Variants in NDRG1 observed in about 807,000 individuals in gnomAD.
NDRG1 encodes N-myc downstream regulated 1, also known as protein NDRG1.
In NDRG1, 32 loss-of-function variants were observed where a neutral mutation model predicts 56.9. The observed-to-expected ratio is 0.56, with a 90% CI of 0.42 to 0.76. The LOEUF (loss-of-function observed/expected upper bound fraction) is 0.76, where lower values mean the gene tolerates loss of function less well. NDRG1 is among the 30% of genes least tolerant of loss of function. NDRG1 has a pLI of 0.00. For missense variants in NDRG1, 507 were observed against 545.7 expected (o/e 0.93, Z 0.71); for synonymous variants, 211 against 204.1 (o/e 1.03, Z -0.29).
rs749295044 is a variant in NDRG1, at chr8:133,259,149, G to A, written c.389+19C>T. 1 of 1,612,382 alleles carries A rather than the reference G, an allele frequency of 6.2e-7. No individual in the cohort carries two copies. Among genetic ancestry groups the A allele is most frequent in the Non-Finnish European group, 8.5e-7 (1 of 1,178,384 alleles). On this transcript the variant is annotated intron_variant, in intron 6 of 15. Coordinates refer to ENST00000323851, the MANE Select transcript of NDRG1 (RefSeq NM_006096.4). The stretch of plus-strand genomic sequence containing the variant: ...AGGCTTCTCTGCAGACAGAGAAGGA[G>A]CTGATCCTTCGCTCTTACCCAAACT...
intron 1 of NDRG1, among the ~76,000 whole-genome samples, chr8:133,285,117 A>G (rs1858037024): frequency 6.6e-6 from 1 of 152,178 alleles, no homozygotes; most frequent in African/African-American, 2.4e-5. Flanking sequence ...GAAGACTTGG[A>G]ATGCTGCCAC....
intron 1 of NDRG1, chr8:133,288,559 G>A (rs1197890856): frequency 1.3e-5 from 2 of 152,464 alleles, no homozygotes; most frequent in Non-Finnish European, 2.9e-5. Context: ...GGTGGAGCCT[G>A]TCCCTGGGCT....
intron 1 of NDRG1, among the ~76,000 whole-genome samples, chr8:133,296,076 T>C (rs1858733846): frequency 1.3e-5 from 2 of 151,948 alleles, no homozygotes; most frequent in African/African-American, 4.8e-5. Context: ...AGCTACTAAT[T>C]TGACAGAGGC....
In NDRG1 at chr8:133,267,331, G is replaced by A. The variant is rs548396616; in HGVS notation, c.100-2679C>T. ...GCAGCAGTGGTTACCAGGTGAGGGT[G>A]GTGACACATAAAGAGGCACTGTACA... On this transcript the variant is annotated intron_variant, in intron 3 of 15. Coordinates refer to ENST00000323851, the MANE Select transcript of NDRG1 (RefSeq NM_006096.4). Among the ~76,000 whole-genome samples the A allele has an allele frequency of 2.0e-5, 3 of 152,302 alleles. No individual in the cohort carries two copies. The East Asian group carries it at 5.8e-4, about 29-fold the overall frequency.
chr8:133,244,050 G>A (rs998349849), intron 14 of NDRG1, among the ~76,000 whole-genome samples: 6 of 152,082 alleles, frequency 3.9e-5, no homozygotes, highest in Non-Finnish European at 8.8e-5. Flanking sequence ...AGCTCCTTGC[G>A]GCCCTTCACT....
At chr8:133,249,245 G>A in intron 10 of NDRG1, 1 of 236,228 alleles carries the variant, frequency 4.2e-6, no homozygotes, top group Non-Finnish European at 8.5e-6. Flanking sequence ...CTCAAACCCT[G>A]TGGTGGTTTC....
At chr8:133,264,050 T>C (rs72731568) in intron 4 of NDRG1, among the ~76,000 whole-genome samples, 5 of 152,016 alleles carry the variant, frequency 3.3e-5, no homozygotes, top group African/African-American at 1.2e-4. Context: ...TGGATAAACC[T>C]TGAAAGCACT....
At chr8:133,288,711 CG>C (rs1563643578) in intron 1 of NDRG1, among the ~76,000 whole-genome samples, 2 of 152,194 alleles carry the variant, frequency 1.3e-5, no homozygotes, top group African/African-American at 4.8e-5. Flanking sequence ...CACAGCATGG[CG>C]GGGGAACCAG....
rs764549191 is a variant in NDRG1, at chr8:133,256,891, G to T, written c.451-28C>A. ...GCAATTCAAGACACAAAGTGAGACAGACATCCCAGCAATCTGAAACACTAG... is the reference window on the plus strand; with the variant it reads ...GCAATTCAAGACACAAAGTGAGACATACATCCCAGCAATCTGAAACACTAG... On this transcript the variant is annotated intron_variant, in intron 7 of 15. Transcript: ENST00000323851. 4.4e-6 allele frequency: 7 copies of T among 1,601,364 alleles called. 1 individual carries two copies. The South Asian group carries it at 7.7e-5, about 18-fold the overall frequency.
intron 9 of NDRG1, among the ~76,000 whole-genome samples, chr8:133,251,126 G>A (rs978791714): frequency 6.6e-6 from 1 of 152,216 alleles, no homozygotes; most frequent in Non-Finnish European, 1.5e-5. Context: ...AAGGGCAATT[G>A]CAACTCCCAC....
At chr8:133,296,390 G>A (rs1015418578) in intron 1 of NDRG1, 1 of 435,638 alleles carries the variant, frequency 2.3e-6, no homozygotes, top group South Asian at 1.6e-5. Flanking sequence ...CGCCAATCCC[G>A]GGTTCCTCCG....
At position 133,239,246 on chromosome 8, in the gene NDRG1, T is replaced by G. The variant is rs1050397774; in HGVS notation, c.944-127A>C. 3.5e-6 allele frequency: 5 copies of G among 1,431,022 alleles called. No individual in the cohort carries two copies. In the Admixed American group the frequency reaches 9.9e-5, roughly 28 times the overall value. 88.6% of individuals were successfully genotyped at this position (1,431,022 alleles called of 1,614,324 possible). A position where few individuals can be genotyped will look rare whatever the true frequency, so the allele number is the denominator to read the frequency against. ...AGAGAAGACTTGATCCCTGCAGCCA[T>G]CCAGCTGCTGGGCCCCCGTCCTCTC... is the stretch of plus-strand genomic sequence containing the variant. On this transcript the variant is annotated intron_variant, in intron 15 of 15. Coordinates refer to ENST00000323851, the MANE Select transcript of NDRG1 (RefSeq NM_006096.4).
intron 1 of NDRG1, among the ~76,000 whole-genome samples, chr8:133,290,714 T>A (rs1220545715): frequency 6.6e-6 from 1 of 152,206 alleles, no homozygotes; most frequent in Non-Finnish European, 1.5e-5. Context: ...TGAGCCATCA[T>A]GAGCAGGCTT....
chr8:133,266,640 C>A (rs144477111), intron 3 of NDRG1, among the ~76,000 whole-genome samples: 91 of 152,346 alleles, frequency 6.0e-4, no homozygotes, highest in African/African-American at 2.2e-3. Flanking sequence ...CATCCACACC[C>A]GCTGGTGATC....
intron 1 of NDRG1, among the ~76,000 whole-genome samples, chr8:133,296,070 A>T (rs909813951): frequency 1.3e-5 from 2 of 152,140 alleles, no homozygotes; most frequent in Non-Finnish European, 2.9e-5. Context: ...AGCTCCAGCT[A>T]CTAATTTGAC....
At chr8:133,291,037 G>A (rs1183751538) in intron 1 of NDRG1, among the ~76,000 whole-genome samples, 3 of 152,206 alleles carry the variant, frequency 2.0e-5, no homozygotes, top group Non-Finnish European at 4.4e-5. Context: ...TTTGTTGTGG[G>A]TGCAGGTGTG....
chr8:133,285,746 T>C (rs921357483), intron 1 of NDRG1, among the ~76,000 whole-genome samples: 16 of 152,170 alleles, frequency 1.1e-4, no homozygotes, highest in African/African-American at 2.9e-4. Context: ...AATGGCTTTA[T>C]ACAGACTTTG....
intron 1 of NDRG1, among the ~76,000 whole-genome samples, chr8:133,287,787 G>C (rs567748743): frequency 2.0e-5 from 3 of 152,230 alleles, no homozygotes; most frequent in South Asian, 2.1e-4. Flanking sequence ...CCCACGCTGC[G>C]ACCAGCAAAA....
In NDRG1 at chr8:133,267,089, C is replaced by T. The variant is rs951612202; in HGVS notation, c.100-2437G>A. On this transcript the variant is annotated intron_variant, in intron 3 of 15. Transcript: ENST00000323851. ...TTCCCGACACTCACTTGGAGAACCCCGAAGCCAGCCAGCCCCAGGCCACCA... is the reference window on the plus strand; with the variant it reads ...TTCCCGACACTCACTTGGAGAACCCTGAAGCCAGCCAGCCCCAGGCCACCA... 2.0e-5 allele frequency among the ~76,000 whole-genome samples: 3 copies of T among 152,246 alleles called. No homozygotes were observed. In the South Asian group the frequency reaches 6.2e-4, roughly 32 times the overall value.
Sources: allele counts gnomAD v4.1 joint callset (sites outside exome capture counted in the v4.1 genomes callset), GRCh38; gene constraint gnomAD v4.1.1; transcripts MANE v1.5; gene names NCBI Gene and HGNC (gene_info 2026-07-23, HGNC 2026-07-21).